OR9Q1: variants seen among roughly 807,000 people sequenced by gnomAD.
OR9Q1 encodes olfactory receptor 9Q1.
For synonymous variants in OR9Q1, 153 were observed against 148.6 expected (o/e 1.03, Z -0.22); for missense variants, 374 against 378.8 (o/e 0.99, Z 0.11).
intron 2 of OR9Q1, among the ~76,000 whole-genome samples, chr11:58,135,065 G>A (rs536327694): frequency 3.8e-4 from 58 of 152,232 alleles, no homozygotes; most frequent in Non-Finnish European, 8.1e-4. Flanking sequence ...GTTAAGTGAT[G>A]TCATACCCAT....
intron 2 of OR9Q1, among the ~76,000 whole-genome samples, chr11:58,176,009 G>GA (rs1057160382): frequency 3.3e-5 from 5 of 149,736 alleles, no homozygotes; most frequent in African/African-American, 4.9e-5. Context: ...TGCATTTAAA[G>GA]AAAAAAAAAG....
intron 2 of OR9Q1, among the ~76,000 whole-genome samples, chr11:58,162,330 G>A (rs1043647265): frequency 2.0e-5 from 3 of 152,162 alleles, no homozygotes. Flanking sequence ...AAGGAGACTC[G>A]CTCTAATAAT....
intron 1 of OR9Q1, chr11:58,031,765 C>T (rs1218609373): frequency 6.2e-7 from 1 of 1,613,924 alleles, no homozygotes; most frequent in Non-Finnish European, 8.5e-7. Flanking sequence ...TGACCTCCTC[C>T]ATCAACTTCA....
At chr11:58,081,151 C>T (rs970178451) in intron 2 of OR9Q1, among the ~76,000 whole-genome samples, 3 of 152,168 alleles carry the variant, frequency 2.0e-5, no homozygotes, top group African/African-American at 7.2e-5. Flanking sequence ...ATGAACTCAT[C>T]CTTTTTTGTG....
chr11:58,116,392 T>C (rs1392267214), intron 2 of OR9Q1, among the ~76,000 whole-genome samples: 1 of 152,240 alleles, frequency 6.6e-6, no homozygotes, highest in African/African-American at 2.4e-5. Context: ...AATAGCTGGG[T>C]CACTGGTTAT....
rs77287833 is a variant in OR9Q1 at position 58,125,028 on chromosome 11, G to A, written c.-14-54403G>A. 6.6e-3 allele frequency among the ~76,000 whole-genome samples: 998 copies of A among 152,284 alleles called. 5 individuals carry two copies. Among genetic ancestry groups the A allele is most frequent in the African/African-American group, 0.023 (961 of 41,556 alleles). On this transcript the variant is annotated intron_variant, in intron 2 of 2. Coordinates refer to ENST00000335397, the MANE Select transcript of OR9Q1 (RefSeq NM_001005212.4). ...AAAGCCTGGAGTCTAATCCAGGTCTGTCTTATTCCAAAGCCAGAGTCCTAG... is the reference window on the plus strand; with the variant it reads ...AAAGCCTGGAGTCTAATCCAGGTCTATCTTATTCCAAAGCCAGAGTCCTAG...
chr11:58,076,631 C>G (rs1332367380), intron 2 of OR9Q1, among the ~76,000 whole-genome samples: 2 of 152,104 alleles, frequency 1.3e-5, no homozygotes, highest in Non-Finnish European at 2.9e-5. Context: ...CAATATATAA[C>G]TTTAGAATAG....
chr11:58,061,172 C>G lies in OR9Q1; in HGVS notation c.-15+5225C>G, dbSNP rs148783059. Reference sequence around the variant, plus strand: ...GCAGGGGCTCACTGTCAGACTTTTCCCAGCCTACCATAAGGAAGCTGTCCT... The same window carrying G: ...GCAGGGGCTCACTGTCAGACTTTTCGCAGCCTACCATAAGGAAGCTGTCCT... On this transcript the variant is annotated intron_variant, in intron 2 of 2. Transcript: ENST00000335397. 2.5e-3 allele frequency among the ~76,000 whole-genome samples: 380 copies of G among 152,278 alleles called. 2 individuals carry two copies. The highest frequency in any genetic ancestry group is 8.6e-3 in the African/African-American group (359 of 41,552).
chr11:58,032,122 GA>G (rs1435715062), intron 1 of OR9Q1, among the ~76,000 whole-genome samples: 2 of 152,022 alleles, frequency 1.3e-5, no homozygotes, highest in Admixed American at 6.6e-5. Context: ...ACAAACAAAT[GA>G]AAAAACATCC....
At chr11:58,037,240 A>G (rs1379721267) in intron 1 of OR9Q1, among the ~76,000 whole-genome samples, 1 of 152,160 alleles carries the variant, frequency 6.6e-6, no homozygotes, top group Non-Finnish European at 1.5e-5. Flanking sequence ...AAATTAAGGT[A>G]TGTACATTTT....
intron 2 of OR9Q1, among the ~76,000 whole-genome samples, chr11:58,086,729 G>A (rs1468155311): frequency 6.6e-6 from 1 of 151,740 alleles, no homozygotes; most frequent in Non-Finnish European, 1.5e-5. Context: ...ACTTGAGGAC[G>A]TTTATGCTAA....
chr11:58,149,525 T>G lies in OR9Q1; in HGVS notation c.-14-29906T>G, dbSNP rs543571343. Among the ~76,000 whole-genome samples the G allele has an allele frequency of 4.6e-5, 7 of 152,296 alleles. No individual in the cohort carries two copies. The East Asian group carries it at 1.3e-3, about 29-fold the overall frequency. On this transcript the variant is annotated intron_variant, in intron 2 of 2. Transcript: ENST00000335397. ...GTACACAGTTTGGTGGCATTAAATA[T>G]ATTCATATTGTCTTGCAACCATCAC... is the stretch of plus-strand genomic sequence containing the variant.
chr11:58,130,743 G>A (rs1854133247), intron 2 of OR9Q1, among the ~76,000 whole-genome samples: 1 of 151,570 alleles, frequency 6.6e-6, no homozygotes, highest in Non-Finnish European at 1.5e-5. Context: ...AACCCAGGAG[G>A]TTGCAGTGAA....
intron 2 of OR9Q1, among the ~76,000 whole-genome samples, chr11:58,085,017 T>C (rs1477228176): frequency 2.0e-5 from 3 of 151,926 alleles, no homozygotes; most frequent in Non-Finnish European, 2.9e-5. Context: ...TCTTCACTGA[T>C]GATATGATTC....
At chr11:58,093,546 G>T (rs1853703108) in intron 2 of OR9Q1, among the ~76,000 whole-genome samples, 1 of 152,022 alleles carries the variant, frequency 6.6e-6, no homozygotes, top group Admixed American at 6.6e-5. Context: ...AGATCACGAG[G>T]TCAGGAGATT....
chr11:58,168,053 T>A (rs1314221305), intron 2 of OR9Q1, among the ~76,000 whole-genome samples: 2 of 152,164 alleles, frequency 1.3e-5, no homozygotes, highest in Non-Finnish European at 2.9e-5. Flanking sequence ...TTGGCAAAAA[T>A]CTCCTTGAGA....
intron 1 of OR9Q1, chr11:58,041,041 G>T (rs991085061): frequency 6.6e-6 from 1 of 152,538 alleles, no homozygotes; most frequent in Non-Finnish European, 1.5e-5. Context: ...CAGCCGGCAG[G>T]TGGGGAAGGT....
At chr11:58,132,385 C>T (rs182581131) in intron 2 of OR9Q1, among the ~76,000 whole-genome samples, 36 of 152,270 alleles carry the variant, frequency 2.4e-4, no homozygotes, top group African/African-American at 7.9e-4. Flanking sequence ...ACCTGTGTGA[C>T]CATGAGTGGT....
intron 1 of OR9Q1, chr11:58,031,961 C>A: frequency 9.8e-7 from 1 of 1,021,946 alleles, no homozygotes; most frequent in South Asian, 1.5e-5. Context: ...ACAGGTTAGT[C>A]AATAACATTT....
Sources: gnomAD v4.1 joint callset for allele counts (sites outside exome capture counted in the v4.1 genomes callset) on GRCh38, gnomAD v4.1.1 for gene constraint, MANE v1.5 for transcripts, NCBI Gene and HGNC (gene_info 2026-07-23, HGNC 2026-07-21) for gene names.